The following WWOX variants were observed in gnomAD, a reference collection of about 807,000 sequenced individuals.
The protein encoded by WWOX is WW domain containing oxidoreductase, also known as WW domain-containing oxidoreductase.
A neutral mutation model predicts 46.2 loss-of-function variants in WWOX; 69 were observed. The ratio of observed to expected loss-of-function variants is 1.49; its 90% CI spans 1.23 to 1.82. The LOEUF (loss-of-function observed/expected upper bound fraction) is 1.82, where lower values mean the gene tolerates loss of function less well. Among genes scored for constraint, WWOX ranks in the 40% most tolerant of loss-of-function variants. WWOX has a pLI of 0.00. For synonymous variants in WWOX, 359 were observed against 202.6 expected (o/e 1.77, Z -6.56); for missense variants, 919 against 542.6 (o/e 1.69, Z -6.89).
chr16:78,518,693 G>A (rs2043288633), intron 8 of WWOX, among the ~76,000 whole-genome samples: 1 of 152,180 alleles, frequency 6.6e-6, no homozygotes, highest in Non-Finnish European at 1.5e-5. Flanking sequence ...CAGCCACCAT[G>A]CAAGGTCCTG....
At chr16:78,571,112 G>A (rs1373592013) in intron 8 of WWOX, among the ~76,000 whole-genome samples, 1 of 152,142 alleles carries the variant, frequency 6.6e-6, no homozygotes, top group African/African-American at 2.4e-5. Flanking sequence ...GCTTACTGTA[G>A]TTACTTACAG....
chr16:78,978,447 C>G (rs916526171), intron 8 of WWOX, among the ~76,000 whole-genome samples: 1 of 152,186 alleles, frequency 6.6e-6, no homozygotes, highest in African/African-American at 2.4e-5. Context: ...ATGTTGCATT[C>G]CCACCAGCGA....
At chr16:78,725,788 C>G (rs572339339) in intron 8 of WWOX, among the ~76,000 whole-genome samples, 2 of 152,116 alleles carry the variant, frequency 1.3e-5, no homozygotes, top group East Asian at 1.9e-4. Flanking sequence ...CTACTCCATG[C>G]CTTTGTCTTA....
intron 5 of WWOX, among the ~76,000 whole-genome samples, chr16:78,328,819 G>A (rs556847723): frequency 3.9e-5 from 4 of 103,006 alleles, no homozygotes; most frequent in East Asian, 6.1e-4. Flanking sequence ...ACCTTTTGCC[G>A]ATGTGTTTTT....
intron 8 of WWOX, among the ~76,000 whole-genome samples, chr16:78,664,967 A>G (rs1176079338): frequency 6.6e-6 from 1 of 152,270 alleles, no homozygotes; most frequent in Middle Eastern, 3.4e-3. Flanking sequence ...AATACAATGA[A>G]CTTGGGAAGG....
chr16:78,245,961 A>G (rs940410597), intron 5 of WWOX, among the ~76,000 whole-genome samples: 1 of 152,186 alleles, frequency 6.6e-6, no homozygotes, highest in African/African-American at 2.4e-5. Flanking sequence ...TCCGTTCCAT[A>G]TTAAGAAGCA....
chr16:78,146,260 C>T (rs544300409), intron 4 of WWOX, among the ~76,000 whole-genome samples: 3 of 152,244 alleles, frequency 2.0e-5, no homozygotes, highest in Non-Finnish European at 4.4e-5. Flanking sequence ...AGGTTGGAAT[C>T]CTCTGTTAGG....
chr16:78,144,562 C>T (rs1243944733), intron 4 of WWOX, among the ~76,000 whole-genome samples: 1 of 136,770 alleles, frequency 7.3e-6, no homozygotes, highest in African/African-American at 2.7e-5. Flanking sequence ...TACTCTGTCG[C>T]CCAGGCTGGA....
At chr16:78,114,160 C>G (rs149183717) in intron 3 of WWOX, among the ~76,000 whole-genome samples, 2 of 147,336 alleles carry the variant, frequency 1.4e-5, no homozygotes, top group Non-Finnish European at 3.0e-5. Context: ...TGCAGTGGCA[C>G]AATCATGGCT....
chr16:78,878,690 T>C (rs572701688), intron 8 of WWOX, among the ~76,000 whole-genome samples: 1 of 152,202 alleles, frequency 6.6e-6, no homozygotes, highest in Admixed American at 6.5e-5. Flanking sequence ...TAATTTCCTT[T>C]ATAGACCCCT....
intron 5 of WWOX, among the ~76,000 whole-genome samples, chr16:78,361,500 G>C (rs544486592): frequency 2.0e-5 from 3 of 152,148 alleles, no homozygotes; most frequent in Admixed American, 2.0e-4. Context: ...CTGCAGCAGT[G>C]TTTACCATGA....
chr16:78,538,677 C>T (rs80289862), intron 8 of WWOX, among the ~76,000 whole-genome samples: 3,408 of 152,222 alleles, frequency 0.022, 144 homozygotes, highest in African/African-American at 0.078. Context: ...TTTTCATAAC[C>T]CTTTACTAGT....
chr16:79,041,249 C>T (rs548255265), intron 8 of WWOX, among the ~76,000 whole-genome samples: 1 of 152,140 alleles, frequency 6.6e-6, no homozygotes, highest in African/African-American at 2.4e-5. Context: ...TCTGTTAATT[C>T]TTGGCTTTCT....
At chr16:78,973,843 C>T (rs1039025589) in intron 8 of WWOX, among the ~76,000 whole-genome samples, 9 of 152,342 alleles carry the variant, frequency 5.9e-5, no homozygotes, top group Admixed American at 2.0e-4. Context: ...GCCGAGAGCC[C>T]CTGCTTCCCT....
chr16:78,774,082 G>C (rs913971563), intron 8 of WWOX, among the ~76,000 whole-genome samples: 1 of 152,178 alleles, frequency 6.6e-6, no homozygotes, highest in Non-Finnish European at 1.5e-5. Context: ...AGGTCCTTCT[G>C]AAAGAAGGGC....
At chr16:78,216,701 C>T (rs1462957995) in intron 5 of WWOX, among the ~76,000 whole-genome samples, 2 of 151,590 alleles carry the variant, frequency 1.3e-5, no homozygotes, top group Non-Finnish European at 2.9e-5. Flanking sequence ...TTCATTTGGC[C>T]CACCTAGATA....
rs567895677 is a variant in WWOX, at chr16:78,854,051, A to G, written c.1057-357557A>G. ...CCACCACCTGAAGATAACCACTACT[A>G]TCATTTTGCTATATTTCTTTCTATA... On this transcript the variant is annotated intron_variant, in intron 8 of 8. Coordinates refer to ENST00000566780, the MANE Select transcript of WWOX (RefSeq NM_016373.4). Among the ~76,000 whole-genome samples the G allele has an allele frequency of 1.1e-4, 17 of 152,340 alleles. No homozygotes were observed. In the South Asian group the frequency reaches 2.5e-3, roughly 22 times the overall value.
In WWOX at chr16:78,591,582, T is replaced by C. The variant is rs376361423; in HGVS notation, c.1056+158830T>C. On this transcript the variant is annotated intron_variant, in intron 8 of 8. Transcript: ENST00000566780. ...AGGCAAATGGGTTTTGGATTTAGGT[T>C]ACCATCATTTATCTTCTCTGTAACC... Among the ~76,000 whole-genome samples the C allele has an allele frequency of 7.9e-5, 12 of 152,184 alleles. No individual in the cohort carries two copies. In the East Asian group the frequency reaches 9.6e-4, roughly 12 times the overall value.
At chr16:78,173,045 A>G (rs16947220) in intron 5 of WWOX, among the ~76,000 whole-genome samples, 7,985 of 152,274 alleles carry the variant, frequency 0.052, 342 homozygotes, top group East Asian at 0.25. Context: ...AAACTTCCCT[A>G]CGCAAGGACA....
Sources: gnomAD v4.1 joint callset for allele counts (sites outside exome capture counted in the v4.1 genomes callset) on GRCh38, gnomAD v4.1.1 for gene constraint, MANE v1.5 for transcripts, NCBI Gene and HGNC (gene_info 2026-07-23, HGNC 2026-07-21) for gene names.